The following CRIM1 variants were observed in gnomAD, a reference collection of about 807,000 sequenced individuals.
The protein encoded by CRIM1 is cysteine rich transmembrane BMP regulator 1, also known as cysteine-rich motor neuron 1 protein.
A neutral mutation model predicts 116.4 loss-of-function variants in CRIM1; 32 were observed. The observed-to-expected ratio is 0.27, with a 90% CI of 0.21 to 0.37. CRIM1 has a LOEUF of 0.37. Ranked by LOEUF, CRIM1 falls within the 10% of genes least tolerant of loss-of-function variation. CRIM1 has a pLI of 1.00. For missense variants in CRIM1, 1,331 were observed against 1,354.8 expected, an observed-to-expected ratio of 0.98 and a Z score of 0.28; for synonymous variants, 590 against 509.2, an observed-to-expected ratio of 1.16 and a Z score of -2.13.
chr2:36,356,697 G>C lies in CRIM1; in HGVS notation c.331+74G>C. The C allele has an allele frequency of 1.4e-6, 2 of 1,433,818 alleles. No individual in the cohort carries two copies. The highest frequency in any genetic ancestry group is 1.8e-4 in the Middle Eastern group (1 of 5,530). The allele number at this position is 1,433,818 out of a possible 1,614,324, so 88.8% of individuals were successfully genotyped here. A position where few individuals can be genotyped will look rare whatever the true frequency, so the allele number is the denominator to read the frequency against. On this transcript the variant is annotated intron_variant, in intron 1 of 16. Transcript: ENST00000280527. This position sits in a 1 kb window ranked among gnomAD's most constrained non-coding sequence, Gnocchi z 4.3. ...CTCGGCGCTGGTTGTGCCGAACAAA[G>C]TTTGGGCGAGACTTTCTGGAGGAAA...
intron 1 of CRIM1, among the ~76,000 whole-genome samples, chr2:36,358,790 C>T (rs1231385322): frequency 1.3e-5 from 2 of 151,534 alleles, no homozygotes; most frequent in Admixed American, 6.6e-5. Context: ...ATACTGAAAA[C>T]AGCAGTCAAC....
chr2:36,538,844 T>C (rs1048956951), intron 14 of CRIM1, among the ~76,000 whole-genome samples: 1 of 152,204 alleles, frequency 6.6e-6, no homozygotes, highest in East Asian at 1.9e-4. Context: ...ACTGGAATTA[T>C]TTTATCTAGT....
At chr2:36,541,163 C>T in intron 14 of CRIM1, among the ~76,000 whole-genome samples, 1 of 152,098 alleles carries the variant, frequency 6.6e-6, no homozygotes, top group East Asian at 1.9e-4. Context: ...TTAGTCAAGA[C>T]TCACCACCAA....
chr2:36,425,443 ACT>A (rs1160273230), intron 2 of CRIM1, among the ~76,000 whole-genome samples: 1 of 152,116 alleles, frequency 6.6e-6, no homozygotes, highest in Non-Finnish European at 1.5e-5. Context: ...CACTTGAAGA[ACT>A]CTATTAGCTT....
At chr2:36,546,255 A>G (rs746234002) in intron 15 of CRIM1, among the ~76,000 whole-genome samples, 2 of 152,170 alleles carry the variant, frequency 1.3e-5, no homozygotes, top group Non-Finnish European at 2.9e-5. Context: ...AGTGCCCCCT[A>G]TTGGTATGTG....
In CRIM1 at chr2:36,513,663, T is replaced by C. The variant is rs982860838; in HGVS notation, c.1888T>C (p.Tyr630His). Residue 630 changes from tyrosine (Y) to histidine (H), a missense_variant, in exon 11 of 17, where the codon TAC becomes CAC. This residue lies in a region of CRIM1 where 358 missense variants were observed against 436.1 expected (regional missense o/e 0.82). Coordinates refer to ENST00000280527, the MANE Select transcript of CRIM1 (RefSeq NM_016441.3). ...CTGGCACGATGGGTGCCGGGAATGC[T>C]ACTGTCTCAATGGACGGGAAATGTG... ...ESWHDGCRECYCLNGREMCAL... is the reference protein window; with the variant it reads ...ESWHDGCRECHCLNGREMCAL... The C allele has an allele frequency of 1.2e-6, 2 of 1,614,234 alleles. No individual in the cohort carries two copies. Among genetic ancestry groups the C allele is most frequent in the African/African-American group, 1.3e-5 (1 of 75,066 alleles).
chr2:36,479,342 C>T (rs1485772306), intron 6 of CRIM1, among the ~76,000 whole-genome samples, 155 bp from the exon 7 acceptor site: 1 of 152,240 alleles, frequency 6.6e-6, no homozygotes, highest in Middle Eastern at 3.4e-3. Flanking sequence ...TGCATGCACC[C>T]CCAGAGACTC....
chr2:36,407,035 G>T (rs74335689), intron 2 of CRIM1, among the ~76,000 whole-genome samples: 2,089 of 152,134 alleles, frequency 0.014, 43 homozygotes, highest in African/African-American at 0.048. Flanking sequence ...CACCTTCTGC[G>T]TGGGTCAGGG....
chr2:36,401,641 GT>G (rs1263881652), intron 2 of CRIM1, among the ~76,000 whole-genome samples: 1 of 152,168 alleles, frequency 6.6e-6, no homozygotes, highest in African/African-American at 2.4e-5. Flanking sequence ...AATACCAAAG[GT>G]TTCCATGATG....
chr2:36,488,523 AATACGGGAC>A (rs1442316624), intron 7 of CRIM1, among the ~76,000 whole-genome samples: 2 of 152,248 alleles, frequency 1.3e-5, no homozygotes, highest in Non-Finnish European at 2.9e-5. Context: ...TGCTTTGAGC[AATACGGGAC>A]ATGTAACATG....
intron 12 of CRIM1, among the ~76,000 whole-genome samples, chr2:36,518,584 C>A (rs1418834386): frequency 6.6e-6 from 1 of 152,184 alleles, no homozygotes; most frequent in African/African-American, 2.4e-5. Context: ...CTGTTGTCAT[C>A]ATGCACGGCA....
At chr2:36,534,544 GGA>G (rs1375035699) in intron 13 of CRIM1, among the ~76,000 whole-genome samples, 2 of 136,130 alleles carry the variant, frequency 1.5e-5, no homozygotes, top group East Asian at 2.3e-4. Flanking sequence ...AGGAAGGAAG[GGA>G]GAGAGGGAGG....
At chr2:36,362,740 C>A (rs944326365) in intron 1 of CRIM1, among the ~76,000 whole-genome samples, 1 of 152,114 alleles carries the variant, frequency 6.6e-6, no homozygotes. Flanking sequence ...TAAACTCTTA[C>A]GTGTTTTATC....
chr2:36,498,544 C>A, intron 7 of CRIM1, among the ~76,000 whole-genome samples: 1 of 152,118 alleles, frequency 6.6e-6, no homozygotes, highest in South Asian at 2.1e-4. Context: ...TATGGTAAAG[C>A]GTCACCTCTG....
intron 2 of CRIM1, among the ~76,000 whole-genome samples, chr2:36,418,057 T>C (rs1331937389): frequency 1.3e-5 from 2 of 152,182 alleles, no homozygotes; most frequent in Non-Finnish European, 2.9e-5. Flanking sequence ...TGCACCTAAA[T>C]GAGCACTGAC....
chr2:36,464,570 G>T lies in CRIM1; in HGVS notation c.906G>T (p.Val302=), dbSNP rs752051335. 16 of 1,614,154 alleles carry T rather than the reference G, an allele frequency of 9.9e-6. No homozygotes were observed. Among genetic ancestry groups the T allele is most frequent in the Non-Finnish European group, 1.4e-5 (16 of 1,180,016 alleles). The change falls in exon 5 of 17, where the codon GTG becomes GTT. Residue 302 remains valine, a synonymous_variant. Coordinates refer to ENST00000280527, the MANE Select transcript of CRIM1 (RefSeq NM_016441.3). ...ECLSGLCGFP[V]CEVGSTPRIV... Reference sequence around the variant, plus strand: ...TCTCTGGCTTATGTGGTTTCCCCGTGTGTGAGGTGGGATCCACTCCCCGCA... The same window carrying T: ...TCTCTGGCTTATGTGGTTTCCCCGTTTGTGAGGTGGGATCCACTCCCCGCA...
intron 2 of CRIM1, among the ~76,000 whole-genome samples, chr2:36,397,490 G>A (rs1672110933): frequency 6.6e-6 from 1 of 152,114 alleles, no homozygotes; most frequent in African/African-American, 2.4e-5. Context: ...CTGGGTTTGG[G>A]TCTCAGCTCT....
chr2:36,534,305 A>AGG (rs1666345299), intron 13 of CRIM1, among the ~76,000 whole-genome samples: 1 of 107,458 alleles, frequency 9.3e-6, no homozygotes, highest in Admixed American at 1.2e-4. Context: ...GAAAGGAAGG[A>AGG]GGGAGGGGGA....
intron 1 of CRIM1, among the ~76,000 whole-genome samples, chr2:36,370,913 T>G (rs1669902076): frequency 6.6e-6 from 1 of 152,176 alleles, no homozygotes; most frequent in Non-Finnish European, 1.5e-5. Flanking sequence ...AGCCCACAGG[T>G]AAGGGAAAAT....
Sources: gnomAD v4.1 joint callset for allele counts (sites outside exome capture counted in the v4.1 genomes callset) on GRCh38, gnomAD v4.1.1 for gene constraint, gnomAD v4.1.1 regional missense constraint, Gnocchi (gnomAD v3.1) non-coding constraint, MANE v1.5 for transcripts, NCBI Gene and HGNC (gene_info 2026-07-23, HGNC 2026-07-21) for gene names.